ERICH3: variants seen among roughly 807,000 people sequenced by gnomAD.
ERICH3 encodes glutamate-rich protein 3.
ERICH3 carries 126 observed loss-of-function variants against 131.1 expected under a neutral mutation model. The ratio of observed to expected loss-of-function variants is 0.96; its 90% CI spans 0.83 to 1.11. The LOEUF is 1.11. Among genes scored for constraint, ERICH3 ranks in the 50% most tolerant of loss-of-function variants. The pLI is 0.00. For missense variants in ERICH3, 2,050 were observed against 1,810.7 expected, an observed-to-expected ratio of 1.13 and a Z score of -2.40; for synonymous variants, 695 against 644.6, an observed-to-expected ratio of 1.08 and a Z score of -1.18.
chr1:74,606,194 T>C (rs1371194118), intron 10 of ERICH3, among the ~76,000 whole-genome samples: 30 of 151,910 alleles, frequency 2.0e-4, no homozygotes, highest in Non-Finnish European at 4.4e-5. Flanking sequence ...TGGCATACTC[T>C]ATCACCATAT....
At chr1:74,637,779 G>A (rs1646403283) in intron 5 of ERICH3, among the ~76,000 whole-genome samples, 1 of 151,884 alleles carries the variant, frequency 6.6e-6, no homozygotes, top group Non-Finnish European at 1.5e-5. Flanking sequence ...AATTAGCTGG[G>A]TATGATGATG....
intron 12 of ERICH3, chr1:74,579,955 AT>A: frequency 1.2e-6 from 1 of 867,206 alleles, no homozygotes; most frequent in Non-Finnish European, 1.4e-6. Flanking sequence ...ACTTTAAGGT[AT>A]TTTTTTAAAT....
In ERICH3 at chr1:74,620,693, C is replaced by A. The variant is rs769787990; in HGVS notation, c.1000+41G>T. 8.8e-6 allele frequency: 13 copies of A among 1,481,028 alleles called. 1 individual carries two copies. In the South Asian group the frequency reaches 1.6e-4, roughly 19 times the overall value. The allele number at this position is 1,481,028 out of a possible 1,614,324, so 91.7% of individuals were successfully genotyped here. On this transcript the variant is annotated intron_variant, in intron 8 of 14. Transcript: ENST00000326665. The stretch of plus-strand genomic sequence containing the variant: ...ATCAACAGCAGCTTATCTATAACAT[C>A]AACTCCAAGCAATTAAAAAACATTC...
At chr1:74,665,064 G>A (rs538343731) in intron 1 of ERICH3, among the ~76,000 whole-genome samples, 6 of 152,116 alleles carry the variant, frequency 3.9e-5, no homozygotes, top group Non-Finnish European at 8.8e-5. Context: ...TTCTTTAGGA[G>A]TTGATTAGGT....
chr1:74,572,132 C>T lies in ERICH3; in HGVS notation c.3578G>A (p.Arg1193Lys). The change falls in exon 14 of 15, where the codon AGA (arginine) becomes AAA (lysine). Residue 1193 changes from arginine (R) to lysine (K), a missense_variant. Physicochemically the swap from Arg to Lys is conservative, Grantham distance 26. Coordinates refer to ENST00000326665, the MANE Select transcript of ERICH3 (RefSeq NM_001002912.5). ...SEARDTEHKD[R>K]EELSSRENRA... ...ATTCTCCCTGCTGGACAGCTCTTCTCTGTCTTTGTGCTCTGTGTCTCTGGC... is the reference window on the plus strand; with the variant it reads ...ATTCTCCCTGCTGGACAGCTCTTCTTTGTCTTTGTGCTCTGTGTCTCTGGC... 3 of 1,614,200 alleles carry T rather than the reference C, an allele frequency of 1.9e-6. No individual in the cohort carries two copies. Among genetic ancestry groups the T allele is most frequent in the East Asian group, 2.2e-5 (1 of 44,858 alleles).
intron 11 of ERICH3, among the ~76,000 whole-genome samples, chr1:74,593,580 G>C (rs1164772997): frequency 1.3e-5 from 2 of 151,924 alleles, no homozygotes; most frequent in Non-Finnish European, 2.9e-5. Context: ...CATACATGTA[G>C]CATATTCTAA....
At chr1:74,609,332 T>G (rs944321047) in intron 9 of ERICH3, among the ~76,000 whole-genome samples, 1 of 152,050 alleles carries the variant, frequency 6.6e-6, no homozygotes, top group Non-Finnish European at 1.5e-5. Context: ...ATGCCCTCCT[T>G]TTTCTCATCA....
chr1:74,626,085 A>G (rs1242679455), intron 7 of ERICH3: 3 of 152,224 alleles, frequency 2.0e-5, no homozygotes, highest in Admixed American at 2.0e-4. Flanking sequence ...AATATATTAA[A>G]GTCTTAAAAT....
At chr1:74,578,679 T>C (rs1647118868) in intron 12 of ERICH3, 1 of 140,528 alleles carries the variant, frequency 7.1e-6, no homozygotes, top group Admixed American at 7.5e-5. Context: ...CCCTTCCTTT[T>C]CCTTCCTTCT....
At position 74,612,732 on chromosome 1, in the gene ERICH3, T is replaced by C. The variant is rs1452605352; in HGVS notation, c.1078A>G (p.Asn360Asp). ...TATTCACAACAGGAGCTTAACCTGTTCACCTGCATCCCATTCAGGAAAAAG... is the reference window on the plus strand; with the variant it reads ...TATTCACAACAGGAGCTTAACCTGTCCACCTGCATCCCATTCAGGAAAAAG... ...LTFFLNGMQV[N>D]RLSSCCEYKH... Residue 360 changes from asparagine (N) to aspartate (D), a missense_variant, in exon 9 of 15, where the codon AAC becomes GAC. Coordinates refer to ENST00000326665, the MANE Select transcript of ERICH3 (RefSeq NM_001002912.5). 3 of 1,605,998 alleles carry C rather than the reference T, an allele frequency of 1.9e-6. No homozygotes were observed. Among genetic ancestry groups the C allele is most frequent in the Admixed American group, 1.7e-5 (1 of 59,926 alleles).
chr1:74,617,270 T>A (rs1649012911), intron 8 of ERICH3, among the ~76,000 whole-genome samples: 2 of 149,910 alleles, frequency 1.3e-5, no homozygotes, highest in African/African-American at 4.9e-5. Context: ...AAATAGCACC[T>A]AAATATGTAG....
At chr1:74,639,692 GT>G (rs1441018304) in intron 5 of ERICH3, among the ~76,000 whole-genome samples, 1 of 152,112 alleles carries the variant, frequency 6.6e-6, no homozygotes, top group Admixed American at 6.5e-5. Flanking sequence ...ATTTTCCATC[GT>G]TTTAATGGGA....
chr1:74,647,338 G>T (rs150446859), intron 2 of ERICH3, among the ~76,000 whole-genome samples: 17 of 152,214 alleles, frequency 1.1e-4, no homozygotes, highest in African/African-American at 4.1e-4. Context: ...AAACATGCGA[G>T]CTACAAAGGA....
At position 74,623,280 on chromosome 1, in the gene ERICH3, A is replaced by C. The variant is rs189817370; in HGVS notation, c.820-2366T>G. ...TTTTCAGATTTCTCAGGCAAGTACA[A>C]CTGAGCTGATAAAGAAACAGCAAGC... On this transcript the variant is annotated intron_variant, in intron 7 of 14. Coordinates refer to ENST00000326665, the MANE Select transcript of ERICH3 (RefSeq NM_001002912.5). The C allele has an allele frequency of 1.1e-4, 16 of 152,298 alleles. No homozygotes were observed. The East Asian group carries it at 3.1e-3, about 29-fold the overall frequency. The allele number at this position is 152,298 out of a possible 1,614,324, so 9.4% of individuals were successfully genotyped here.
At chr1:74,600,060 G>A (rs867286010) in intron 10 of ERICH3, 129 bp from the exon 11 acceptor site, 16 of 640,376 alleles carry the variant, frequency 2.5e-5, no homozygotes, top group Middle Eastern at 4.4e-4. Flanking sequence ...CTTCTTTTTC[G>A]TTCAATTAGT....
Position 74,573,441 on chromosome 1 carries a change from T to C in ERICH3, c.2269A>G (p.Lys757Glu), listed in dbSNP as rs148986005. The C allele has an allele frequency of 4.6e-4, 711 of 1,557,700 alleles. 4 individuals carry two copies. Among genetic ancestry groups the C allele is most frequent in the Admixed American group, 2.2e-3 (104 of 47,978 alleles). Reference sequence around the variant, plus strand: ...TTTTGCACCAATTGCTGGGATTCCTTGTTTGAGTTGATTGCTGCTGTTTCA... The same window carrying C: ...TTTTGCACCAATTGCTGGGATTCCTCGTTTGAGTTGATTGCTGCTGTTTCA... Reference protein sequence around the residue: ...VDETAAINSNKESQQLVQKTY... With the variant: ...VDETAAINSNEESQQLVQKTY... Residue 757 changes from lysine to glutamate, a missense_variant, in exon 14 of 15, where the codon AAG becomes GAG. Coordinates refer to ENST00000326665, the MANE Select transcript of ERICH3 (RefSeq NM_001002912.5).
intron 12 of ERICH3, among the ~76,000 whole-genome samples, chr1:74,578,746 C>T (rs967217489): frequency 4.7e-5 from 7 of 150,104 alleles, no homozygotes; most frequent in African/African-American, 7.4e-5. Flanking sequence ...TCTGTTACAA[C>T]GGATATAACG....
intron 7 of ERICH3, among the ~76,000 whole-genome samples, chr1:74,628,209 GTTCTTACATATT>G (rs1042495845): frequency 1.3e-5 from 2 of 152,056 alleles, no homozygotes; most frequent in African/African-American, 4.8e-5. Flanking sequence ...ATCTCTCAAA[GTTCTTACATATT>G]TTCCATCGTG....
intron 1 of ERICH3, among the ~76,000 whole-genome samples, chr1:74,667,926 G>A (rs1450383776): frequency 6.6e-6 from 1 of 152,114 alleles, no homozygotes; most frequent in Non-Finnish European, 1.5e-5. Context: ...CGCTGTTCTT[G>A]TGACAGTGAG....
Sources: allele counts gnomAD v4.1 joint callset (sites outside exome capture counted in the v4.1 genomes callset), GRCh38; gene constraint gnomAD v4.1.1; transcripts MANE v1.5; gene names NCBI Gene and HGNC (gene_info 2026-07-23, HGNC 2026-07-21).